The following FAM117B variants were observed in gnomAD, a reference collection of about 807,000 sequenced individuals.
FAM117B encodes protein FAM117B.
A neutral mutation model predicts 52.8 loss-of-function variants in FAM117B; 22 were observed. The ratio of observed to expected loss-of-function variants is 0.42; its 90% CI spans 0.30 to 0.59. The LOEUF is 0.59. FAM117B is among the 20% of genes least tolerant of loss of function. The probability of loss-of-function intolerance (pLI) is 0.22; values close to 1 mark genes in which losing one functional copy is unlikely to be tolerated. For synonymous variants in FAM117B, 309 were observed against 324.1 expected, an observed-to-expected ratio of 0.95 and a Z score of 0.50; for missense variants, 678 against 802.6, an observed-to-expected ratio of 0.84 and a Z score of 1.88.
intron 1 of FAM117B, among the ~76,000 whole-genome samples, chr2:202,646,644 C>G (rs974626575): frequency 6.6e-6 from 1 of 152,122 alleles, no homozygotes; most frequent in African/African-American, 2.4e-5. Flanking sequence ...ATATATTGCT[C>G]TAGTAATAAT....
chr2:202,703,164 C>G (rs1472712617), intron 2 of FAM117B, among the ~76,000 whole-genome samples: 1 of 152,150 alleles, frequency 6.6e-6, no homozygotes, highest in Non-Finnish European at 1.5e-5. Context: ...CTGTAACTCC[C>G]CATCCTCCTT....
chr2:202,737,887 C>G (rs1691467043), intron 4 of FAM117B, among the ~76,000 whole-genome samples: 1 of 152,156 alleles, frequency 6.6e-6, no homozygotes, highest in East Asian at 1.9e-4. Context: ...CAGGCATGAA[C>G]CACTGTGCCC....
chr2:202,647,776 C>T (rs1050564191), intron 1 of FAM117B, among the ~76,000 whole-genome samples: 2 of 152,048 alleles, frequency 1.3e-5, no homozygotes, highest in African/African-American at 2.4e-5. Context: ...CCTCTTTTCC[C>T]GTGTATTGTT....
chr2:202,648,585 CGTT>C (rs1553518408), intron 1 of FAM117B, among the ~76,000 whole-genome samples: 2 of 137,510 alleles, frequency 1.5e-5, no homozygotes, highest in Non-Finnish European at 3.0e-5. Flanking sequence ...GCGTGTATGT[CGTT>C]GTGCACATAG....
At chr2:202,728,131 C>T (rs1691280729) in intron 4 of FAM117B, among the ~76,000 whole-genome samples, 1 of 152,062 alleles carries the variant, frequency 6.6e-6, no homozygotes, top group African/African-American at 2.4e-5. Context: ...ATATGTGCAC[C>T]ACCATGCCTG....
Position 202,757,296 on chromosome 2 carries a change from G to A in FAM117B, c.1188G>A (p.Thr396=), listed in dbSNP as rs761574025. The change falls in exon 6 of 8, where the codon ACG becomes ACA. Residue 396 remains threonine (T), a synonymous_variant. Transcript: ENST00000392238. ...SSSTRSIDTQ[T]PGGADRGSNN... The stretch of plus-strand genomic sequence containing the variant: ...GCACGCGCAGCATTGACACACAGAC[G>A]CCTGGTGGGGCAGACAGGGGAAGCA... 1.2e-6 allele frequency: 2 copies of A among 1,614,092 alleles called. No individual in the cohort carries two copies. Among genetic ancestry groups the A allele is most frequent in the Admixed American group, 1.7e-5 (1 of 60,014 alleles).
intron 4 of FAM117B, among the ~76,000 whole-genome samples, chr2:202,753,819 A>G (rs1219291003): frequency 1.3e-5 from 2 of 152,202 alleles, no homozygotes; most frequent in Non-Finnish European, 2.9e-5. Context: ...GAAAACCACA[A>G]TGTGATACCA....
intron 1 of FAM117B, among the ~76,000 whole-genome samples, chr2:202,677,266 C>T (rs549615575): frequency 5.0e-4 from 76 of 152,154 alleles, no homozygotes; most frequent in Admixed American, 1.2e-3. Context: ...TGGAGTTTCA[C>T]GATGTTGGCC....
intron 1 of FAM117B, among the ~76,000 whole-genome samples, chr2:202,650,958 C>T (rs923617876): frequency 3.9e-5 from 6 of 152,072 alleles, no homozygotes; most frequent in African/African-American, 1.4e-4. Flanking sequence ...CAAACAAACC[C>T]GGGAACAATA....
In FAM117B at chr2:202,635,339, A is replaced by C. The variant is rs897529563; in HGVS notation, c.152A>C (p.His51Pro). The C allele has an allele frequency of 1.2e-5, 17 of 1,398,872 alleles. No individual in the cohort carries two copies. The highest frequency in any genetic ancestry group is 1.3e-5 in the Non-Finnish European group (14 of 1,075,580). 86.7% of individuals were successfully genotyped at this position (1,398,872 alleles called of 1,614,324 possible). Residue 51 changes from histidine (H) to proline (P), a missense_variant, in exon 1 of 8, where the codon CAT (histidine) becomes CCT (proline). By Grantham distance (77) the His-to-Pro change is moderately conservative. Coordinates refer to ENST00000392238, the MANE Select transcript of FAM117B (RefSeq NM_173511.4). ...FQLKQQQQQQ[H>P]GSPTRSGGGG... ...CTGAAGCAGCAGCAGCAGCAGCAACATGGCAGCCCCACGCGGAGCGGCGGC... is the reference window on the plus strand; with the variant it reads ...CTGAAGCAGCAGCAGCAGCAGCAACCTGGCAGCCCCACGCGGAGCGGCGGC...
chr2:202,661,384 T>C (rs968691793), intron 1 of FAM117B, among the ~76,000 whole-genome samples: 2 of 152,232 alleles, frequency 1.3e-5, no homozygotes, highest in African/African-American at 2.4e-5. Flanking sequence ...AAAACAATTA[T>C]AGTAAAACTG....
intron 1 of FAM117B, among the ~76,000 whole-genome samples, chr2:202,636,215 G>A (rs1285781541): frequency 1.3e-5 from 2 of 152,228 alleles, no homozygotes; most frequent in Non-Finnish European, 2.9e-5. Flanking sequence ...ATCTGCTGCT[G>A]CTAAGTATTT....
At chr2:202,652,559 A>T (rs991611043) in intron 1 of FAM117B, among the ~76,000 whole-genome samples, 20 of 152,208 alleles carry the variant, frequency 1.3e-4, no homozygotes, top group African/African-American at 4.1e-4. Flanking sequence ...AGTATTACCG[A>T]AAAGAGTAGT....
At position 202,768,777 on chromosome 2, in the gene FAM117B, A is replaced by T. The variant is rs909491019; in HGVS notation, c.*3013A>T. On this transcript the variant is annotated 3_prime_UTR_variant, in exon 8 of 8. Transcript: ENST00000392238. ...TAGCTTCAATGGGAATATAATTTAA[A>T]TTTTTTTAATTTTATAAAAATTTAT... 1.3e-5 allele frequency: 2 copies of T among 152,258 alleles called. No individual in the cohort carries two copies. The highest frequency in any genetic ancestry group is 2.9e-5 in the Non-Finnish European group (2 of 68,006). 9.4% of individuals were successfully genotyped at this position (152,258 alleles called of 1,614,324 possible).
At chr2:202,726,191 A>G in intron 3 of FAM117B, 59 bp from the exon 4 acceptor site, 1 of 1,100,106 alleles carries the variant, frequency 9.1e-7, no homozygotes, top group South Asian at 1.3e-5. Flanking sequence ...TTAAGCAAGG[A>G]TGTGTTTTTG....
At chr2:202,680,519 A>C (rs748031545) in intron 1 of FAM117B, among the ~76,000 whole-genome samples, 1 of 152,198 alleles carries the variant, frequency 6.6e-6, no homozygotes, top group Non-Finnish European at 1.5e-5. Flanking sequence ...CAGAATAAAC[A>C]CAAAGAAGAC....
intron 2 of FAM117B, among the ~76,000 whole-genome samples, chr2:202,715,171 A>T (rs968078695): frequency 5.3e-5 from 7 of 131,674 alleles, no homozygotes; most frequent in African/African-American, 2.1e-4. Context: ...CTGACCCCCC[A>T]CCTCCCTCCC....
At chr2:202,741,542 ATTTTTTTT>A (rs537438850) in intron 4 of FAM117B, among the ~76,000 whole-genome samples, 3,181 of 143,654 alleles carry the variant, frequency 0.022, 139 homozygotes, top group African/African-American at 0.077. Flanking sequence ...ATGAAAAAAA[ATTTTTTTT>A]TTTTGAGACG....
chr2:202,677,032 T>C (rs1442394010), intron 1 of FAM117B, among the ~76,000 whole-genome samples: 1 of 151,872 alleles, frequency 6.6e-6, no homozygotes, highest in African/African-American at 2.4e-5. Context: ...GCTGATGAAC[T>C]GAGTGTTACT....
Sources: gnomAD v4.1 joint callset for allele counts (sites outside exome capture counted in the v4.1 genomes callset) on GRCh38, gnomAD v4.1.1 for gene constraint, MANE v1.5 for transcripts, NCBI Gene and HGNC (gene_info 2026-07-23, HGNC 2026-07-21) for gene names.